The following CCDC30 variants were observed in gnomAD, a reference collection of about 807,000 sequenced individuals.
The protein encoded by CCDC30 is coiled-coil domain containing 30.
A neutral mutation model predicts 100.2 loss-of-function variants in CCDC30; 70 were observed. The observed-to-expected ratio is 0.70, with a 90% CI of 0.58 to 0.85. CCDC30 has a LOEUF of 0.85. Ranked by LOEUF, CCDC30 falls within the 40% of genes least tolerant of loss-of-function variation. The pLI, the probability that CCDC30 is intolerant of heterozygous loss-of-function variation, is 0.00. For missense variants in CCDC30, 652 were observed against 771.2 expected (o/e 0.85, Z 1.83); for synonymous variants, 233 against 269.5 (o/e 0.86, Z 1.33).
the CCDC30 span, chr1:42,456,751 C>G: frequency 6.2e-7 from 1 of 1,611,368 alleles, no homozygotes; most frequent in African/African-American, 1.3e-5. Context: ...ACTTCAGCAG[C>G]GGGCGGCGCG....
intron 1 of CCDC30, among the ~76,000 whole-genome samples, chr1:42,475,757 A>G (rs887693117): frequency 1.3e-5 from 2 of 152,198 alleles, no homozygotes; most frequent in African/African-American, 2.4e-5. Flanking sequence ...TTACCACACT[A>G]TATTATAATC....
chr1:42,589,411 G>A, exon 10 of CCDC30: 4 of 1,613,868 alleles, frequency 2.5e-6, no homozygotes, highest in Non-Finnish European at 3.4e-6. Flanking sequence ...CCTGTTCTCA[G>A]CAACAATCCA....
chr1:42,533,304 G>A (rs1459301553), intron 6 of CCDC30, among the ~76,000 whole-genome samples: 1 of 152,028 alleles, frequency 6.6e-6, no homozygotes, highest in East Asian at 1.9e-4. Context: ...GTTGTGGCAT[G>A]CCTGGGCATG....
chr1:42,606,688 T>C (rs1646508324), intron 10 of CCDC30, among the ~76,000 whole-genome samples: 1 of 152,186 alleles, frequency 6.6e-6, no homozygotes, highest in Non-Finnish European at 1.5e-5. Context: ...TTTAGTGCAA[T>C]ACCATAAACC....
chr1:42,480,601 G>A lies in CCDC30; in HGVS notation c.15+35G>A, dbSNP rs1350225107. ...CACACCCAGGCAAAATGACATTTTT[G>A]TTCATGAAGACTGATTTATGTACGT... On this transcript the variant is annotated intron_variant, in intron 2 of 16. Transcript: ENST00000668663. 1.2e-5 allele frequency: 12 copies of A among 984,900 alleles called. No individual in the cohort carries two copies. The African/African-American group carries it at 1.6e-4, about 13-fold the overall frequency. The allele number at this position is 984,900 out of a possible 1,614,324, so 61.0% of individuals were successfully genotyped here.
intron 2 of CCDC30, 108 bp from the exon 3 acceptor site, chr1:42,482,555 A>G: frequency 1.8e-6 from 1 of 566,364 alleles, no homozygotes; most frequent in Non-Finnish European, 2.6e-6. Flanking sequence ...AAATACACAT[A>G]GATATTGTTT....
intron 4 of CCDC30, among the ~76,000 whole-genome samples, chr1:42,494,034 C>T (rs191231627): frequency 1.2e-4 from 19 of 152,102 alleles, no homozygotes; most frequent in Non-Finnish European, 1.6e-4. Context: ...GTGAGCATGG[C>T]GAAACCCCAT....
At chr1:42,501,411 G>A (rs1301787589) in intron 6 of CCDC30, among the ~76,000 whole-genome samples, 2 of 152,086 alleles carry the variant, frequency 1.3e-5, no homozygotes, top group Non-Finnish European at 1.5e-5. Context: ...TAACTTTATT[G>A]TAAGTCTTGA....
At chr1:42,650,295 C>A (rs1402799443) in intron 15 of CCDC30, among the ~76,000 whole-genome samples, 1 of 151,870 alleles carries the variant, frequency 6.6e-6, no homozygotes, top group Admixed American at 6.6e-5. Flanking sequence ...CCAGCTTGTA[C>A]CCAGGAGTTC....
intron 3 of CCDC30, among the ~76,000 whole-genome samples, chr1:42,487,162 TA>T (rs1644065938): frequency 6.7e-6 from 1 of 149,826 alleles, no homozygotes; most frequent in Non-Finnish European, 1.5e-5. Flanking sequence ...TGTCTAGGGC[TA>T]GGTATGAAAA....
At position 42,526,982 on chromosome 1, in the gene CCDC30, C is replaced by T. The variant is rs545765603; in HGVS notation, c.456+28066C>T. The stretch of plus-strand genomic sequence containing the variant: ...GTTTGTTTTTGTTTTTGTTTTTTTG[C>T]GTGTGTTCACCATTTCAGAGGTGAT... On this transcript the variant is annotated intron_variant, in intron 6 of 16. Coordinates refer to ENST00000668663, the Ensembl canonical transcript of CCDC30. Among the ~76,000 whole-genome samples the T allele has an allele frequency of 3.0e-4, 45 of 152,010 alleles. No homozygotes were observed. The South Asian group carries it at 3.9e-3, about 13-fold the overall frequency.
Position 42,536,608 on chromosome 1 carries a change from C to A in CCDC30, c.457-29688C>A. On this transcript the variant is annotated intron_variant, in intron 6 of 16. Transcript: ENST00000668663. Reference sequence around the variant, plus strand: ...CTTGAAAGTTGAAAGTGAGGTATTACCATTCAGGAAGCTGTTTTCTTCTTC... The same window carrying A: ...CTTGAAAGTTGAAAGTGAGGTATTAACATTCAGGAAGCTGTTTTCTTCTTC... 1 of 1,544,360 alleles carries A rather than the reference C, an allele frequency of 6.5e-7. No homozygotes were observed. The highest frequency in any genetic ancestry group is 1.8e-5 in the Admixed American group (1 of 56,330).
intron 10 of CCDC30, among the ~76,000 whole-genome samples, chr1:42,601,101 A>T (rs559304964): frequency 6.6e-6 from 1 of 152,360 alleles, no homozygotes; most frequent in East Asian, 1.9e-4. Flanking sequence ...TAACAGAAAG[A>T]TAGCTGGAAA....
intron 6 of CCDC30, among the ~76,000 whole-genome samples, chr1:42,504,236 T>G (rs969305885): frequency 6.6e-6 from 1 of 152,242 alleles, no homozygotes; most frequent in African/African-American, 2.4e-5. Context: ...CATGAGGGCA[T>G]GTTCCTTGCC....
intron 9 of CCDC30, among the ~76,000 whole-genome samples, chr1:42,583,620 T>C (rs923109599): frequency 6.6e-6 from 1 of 152,236 alleles, no homozygotes; most frequent in Admixed American, 6.5e-5. Flanking sequence ...TTTCCCAGTT[T>C]CTTCTATTTC....
chr1:42,570,991 G>A (rs544986785), intron 7 of CCDC30: 1 of 152,348 alleles, frequency 6.6e-6, no homozygotes, highest in Non-Finnish European at 1.5e-5. Context: ...TCCTCTTCTT[G>A]GTGCTCGACT....
intron 10 of CCDC30, 54 bp from the exon 15 acceptor site, chr1:42,610,924 C>A (rs1441570211): frequency 1.9e-5 from 15 of 787,786 alleles, no homozygotes; most frequent in Admixed American, 2.4e-5. Context: ...TGCATTTCTT[C>A]AACATCATAC....
chr1:42,618,134 T>C (rs555415400), intron 11 of CCDC30, among the ~76,000 whole-genome samples: 139 of 151,944 alleles, frequency 9.1e-4, no homozygotes, highest in African/African-American at 3.3e-3. Flanking sequence ...TCAGAGCAAC[T>C]GTGAACAGCT....
intron 11 of CCDC30, among the ~76,000 whole-genome samples, chr1:42,612,406 G>A (rs1646643584): frequency 6.6e-6 from 1 of 152,212 alleles, no homozygotes; most frequent in African/African-American, 2.4e-5. Flanking sequence ...TCAGGCAGCA[G>A]CTGCAATGTT....
Sources: allele counts gnomAD v4.1 joint callset (sites outside exome capture counted in the v4.1 genomes callset), GRCh38; gene constraint gnomAD v4.1.1; transcripts MANE v1.5; gene names NCBI Gene and HGNC (gene_info 2026-07-23, HGNC 2026-07-21).